The following EPHA6 variants were observed in gnomAD, a reference collection of about 807,000 sequenced individuals.
The protein encoded by EPHA6 is EPH receptor A6.
Under a neutral mutation model 112.0 loss-of-function variants are expected in EPHA6, and 50 were observed. The ratio of observed to expected loss-of-function variants is 0.45; its 90% CI spans 0.36 to 0.56. The LOEUF is 0.56. Among genes scored for constraint, EPHA6 ranks in the 20% least tolerant of loss-of-function variants. The probability of loss-of-function intolerance (pLI) is 0.00; values close to 1 mark genes in which losing one functional copy is unlikely to be tolerated. For synonymous variants in EPHA6, 529 were observed against 490.7 expected (o/e 1.08, Z -1.03); for missense variants, 1,280 against 1,417.4 (o/e 0.90, Z 1.56).
intron 14 of EPHA6, among the ~76,000 whole-genome samples, chr3:97,677,712 A>G (rs2031517030): frequency 6.9e-6 from 1 of 145,198 alleles, no homozygotes; most frequent in South Asian, 2.3e-4. Context: ...CAAGAACGAA[A>G]CTCCATCTTA....
intron 3 of EPHA6, among the ~76,000 whole-genome samples, chr3:96,989,483 C>T (rs2043139905): frequency 1.3e-5 from 2 of 152,072 alleles, no homozygotes; most frequent in African/African-American, 4.8e-5. Context: ...GGAGAAAAAC[C>T]ATAAATTATC....
chr3:97,325,978 A>G (rs2082400238), intron 5 of EPHA6, among the ~76,000 whole-genome samples: 1 of 152,048 alleles, frequency 6.6e-6, no homozygotes, highest in Admixed American at 6.6e-5. Flanking sequence ...ATTATTCAAG[A>G]GATAGCAGTG....
chr3:97,457,068 CATT>C, intron 7 of EPHA6, among the ~76,000 whole-genome samples: 1 of 152,244 alleles, frequency 6.6e-6, no homozygotes, highest in South Asian at 2.1e-4. Context: ...CCTAATTTCT[CATT>C]ATATTAATAA....
At chr3:97,648,495 G>T in intron 14 of EPHA6, 1 of 1,293,146 alleles carries the variant, frequency 7.7e-7, no homozygotes, top group Non-Finnish European at 9.8e-7. Flanking sequence ...TTGTGAATTG[G>T]CTTGACTTTT....
At chr3:97,178,029 TTG>T (rs1362564861) in intron 3 of EPHA6, among the ~76,000 whole-genome samples, 1 of 152,070 alleles carries the variant, frequency 6.6e-6, no homozygotes, top group African/African-American at 2.4e-5. Flanking sequence ...CTTCTCTTCT[TTG>T]TTTCTTTCCT....
intron 4 of EPHA6, among the ~76,000 whole-genome samples, chr3:97,233,309 CA>C (rs55764447): frequency 0.083 from 7,195 of 86,284 alleles, 415 homozygotes; most frequent in African/African-American, 0.2. Flanking sequence ...ACAATGTATG[CA>C]AAAAAAAAAA....
At chr3:97,146,119 C>A (rs946725613) in intron 3 of EPHA6, among the ~76,000 whole-genome samples, 1 of 151,646 alleles carries the variant, frequency 6.6e-6, no homozygotes, top group Non-Finnish European at 1.5e-5. Flanking sequence ...GAATAAAGTA[C>A]TAATTTTAAC....
intron 5 of EPHA6, among the ~76,000 whole-genome samples, chr3:97,322,610 A>G (rs1268182774): frequency 6.6e-6 from 1 of 152,042 alleles, no homozygotes; most frequent in Non-Finnish European, 1.5e-5. Flanking sequence ...TATTAATGAA[A>G]CATTTTCCTA....
In EPHA6 at chr3:96,829,982, C is replaced by CAT. The variant is rs113692061; in HGVS notation, c.385+14975_385+14976insTA. Among the ~76,000 whole-genome samples, 947 of 148,238 alleles carry CAT rather than the reference C, an allele frequency of 6.4e-3. 14 individuals carry two copies. Among genetic ancestry groups the CAT allele is most frequent in the African/African-American group, 0.02 (811 of 40,220 alleles). Reference sequence around the variant, plus strand: ...ACACACACACACACACACACACACACACACACAGAAATGGTATGCTATTTG... The same window carrying CAT: ...ACACACACACACACACACACACACACATACACACAGAAATGGTATGCTATTTG... On this transcript the variant is annotated intron_variant, in intron 1 of 17. Coordinates refer to ENST00000389672, the MANE Select transcript of EPHA6 (RefSeq NM_001080448.3).
At chr3:97,494,902 C>T (rs2091938084) in intron 10 of EPHA6, among the ~76,000 whole-genome samples, 3 of 152,136 alleles carry the variant, frequency 2.0e-5, no homozygotes, top group South Asian at 2.1e-4. Context: ...CATTTCCATC[C>T]GACATGATGT....
chr3:97,067,408 G>A (rs948324449), intron 3 of EPHA6, among the ~76,000 whole-genome samples: 1 of 151,994 alleles, frequency 6.6e-6, no homozygotes, highest in Non-Finnish European at 1.5e-5. Context: ...TTTGAAATGA[G>A]AGATATATAA....
intron 7 of EPHA6, among the ~76,000 whole-genome samples, chr3:97,463,021 G>A (rs2090939076): frequency 6.6e-6 from 1 of 151,918 alleles, no homozygotes; most frequent in Non-Finnish European, 1.5e-5. Context: ...ACTAATTTAA[G>A]TTATTAATGT....
chr3:97,733,144 C>T (rs1339265983), intron 15 of EPHA6, among the ~76,000 whole-genome samples: 1 of 152,038 alleles, frequency 6.6e-6, no homozygotes, highest in Non-Finnish European at 1.5e-5. Flanking sequence ...CTGCTTAATG[C>T]TAAGCATTCT....
intron 14 of EPHA6, among the ~76,000 whole-genome samples, chr3:97,696,322 C>G (rs2033037714): frequency 6.6e-6 from 1 of 152,214 alleles, no homozygotes; most frequent in South Asian, 2.1e-4. Flanking sequence ...TTGATGCCCT[C>G]TGAGCTTGCT....
chr3:97,685,196 T>G (rs1313881811), intron 14 of EPHA6, among the ~76,000 whole-genome samples: 2 of 152,186 alleles, frequency 1.3e-5, no homozygotes, highest in Non-Finnish European at 2.9e-5. Context: ...TGACTAACAA[T>G]TTTGTTATAG....
chr3:96,830,735 ATAAT>A (rs1215229697), intron 1 of EPHA6, among the ~76,000 whole-genome samples: 5 of 152,050 alleles, frequency 3.3e-5, no homozygotes, highest in African/African-American at 1.2e-4. Context: ...TGTTTTAAAA[ATAAT>A]AGAAAGATTA....
intron 12 of EPHA6, among the ~76,000 whole-genome samples, chr3:97,608,473 T>TACA (rs1242196982): frequency 2.0e-5 from 3 of 151,226 alleles, no homozygotes; most frequent in Admixed American, 1.3e-4. Context: ...TGAATGAGGA[T>TACA]ACAAAGCATT....
chr3:97,682,225 T>G (rs934550305), intron 14 of EPHA6, among the ~76,000 whole-genome samples: 2 of 152,064 alleles, frequency 1.3e-5, no homozygotes, highest in African/African-American at 2.4e-5. Context: ...CCAAACTTCA[T>G]GTAAAACTCT....
At chr3:96,833,310 C>T (rs1194064811) in intron 1 of EPHA6, among the ~76,000 whole-genome samples, 1 of 151,282 alleles carries the variant, frequency 6.6e-6, no homozygotes, top group African/African-American at 2.4e-5. Flanking sequence ...CTAAGGAATA[C>T]ACAAATTGCC....
Sources: gnomAD v4.1 joint callset for allele counts (sites outside exome capture counted in the v4.1 genomes callset) on GRCh38, gnomAD v4.1.1 for gene constraint, MANE v1.5 for transcripts, NCBI Gene and HGNC (gene_info 2026-07-23, HGNC 2026-07-21) for gene names.